The following LRRC4C variants were observed in gnomAD, a reference collection of about 807,000 sequenced individuals.
LRRC4C encodes the protein leucine rich repeat containing 4C.
LRRC4C carries 5 observed loss-of-function variants against 33.6 expected under a neutral mutation model. The ratio of observed to expected loss-of-function variants is 0.15; its 90% CI spans 0.08 to 0.31. LRRC4C has a LOEUF of 0.31. LRRC4C is among the 10% of genes least tolerant of loss of function. The probability of loss-of-function intolerance (pLI) is 1.00; values close to 1 mark genes in which losing one functional copy is unlikely to be tolerated. For missense variants in LRRC4C, 560 were observed against 796.7 expected (o/e 0.70, Z 3.58); for synonymous variants, 329 against 302.0 (o/e 1.09, Z -0.93).
intron 2 of LRRC4C, among the ~76,000 whole-genome samples, chr11:40,892,455 T>A (rs1296034822): frequency 6.6e-6 from 1 of 152,132 alleles, no homozygotes; most frequent in East Asian, 1.9e-4. Context: ...CTTCAACAGA[T>A]GTTTGAGTAG....
At chr11:40,678,862 G>C (rs1944539886) in intron 2 of LRRC4C, among the ~76,000 whole-genome samples, 1 of 152,086 alleles carries the variant, frequency 6.6e-6, no homozygotes, top group Non-Finnish European at 1.5e-5. Context: ...ATTGGTACTG[G>C]GTAGGGGGGT....
At chr11:40,137,730 A>T (rs1857078574) in intron 6 of LRRC4C, among the ~76,000 whole-genome samples, 1 of 152,162 alleles carries the variant, frequency 6.6e-6, no homozygotes, top group Admixed American at 6.5e-5. Context: ...TATATTAAAG[A>T]TCTCTCCTTT....
In LRRC4C at chr11:40,632,453, C is replaced by G. The variant is rs75177156; in HGVS notation, c.-270+15689G>C. Among the ~76,000 whole-genome samples, 612 of 152,270 alleles carry G rather than the reference C, an allele frequency of 4.0e-3. 4 individuals are homozygous for G. Among genetic ancestry groups the G allele is most frequent in the African/African-American group, 0.014 (582 of 41,538 alleles). ...TGACACTGTCCATGCAAGCATGCTT[C>G]TCTTTCAATTGGCTTTTGCATATCT... On this transcript the variant is annotated intron_variant, in intron 3 of 6. Coordinates refer to ENST00000528697, the MANE Select transcript of LRRC4C (RefSeq NM_001258419.2).
chr11:40,852,828 A>G (rs1172099984), intron 2 of LRRC4C, among the ~76,000 whole-genome samples: 1 of 152,202 alleles, frequency 6.6e-6, no homozygotes, highest in African/African-American at 2.4e-5. Flanking sequence ...ATTTTCTAGC[A>G]CCAACAGAGA....
chr11:40,678,675 CAAGTT>C (rs1944530235), intron 2 of LRRC4C, among the ~76,000 whole-genome samples: 1 of 152,062 alleles, frequency 6.6e-6, no homozygotes, highest in East Asian at 1.9e-4. Flanking sequence ...TTCCCCTGCA[CAAGTT>C]CTTTGCCCGC....
intron 1 of LRRC4C, among the ~76,000 whole-genome samples, chr11:41,112,802 C>A (rs958804199): frequency 1.6e-4 from 24 of 152,060 alleles, no homozygotes; most frequent in Non-Finnish European, 5.9e-5. Context: ...ATTCATTATA[C>A]TCAAGATCAT....
intron 3 of LRRC4C, among the ~76,000 whole-genome samples, chr11:40,432,810 CCAAA>C (rs1230216201): frequency 6.6e-6 from 1 of 152,078 alleles, no homozygotes; most frequent in Non-Finnish European, 1.5e-5. Flanking sequence ...ATTAATGACT[CCAAA>C]CAATGACCAA....
rs184730367 is a variant in LRRC4C, at chr11:40,268,079, C to T, written c.-175-26481G>A. Among the ~76,000 whole-genome samples the T allele has an allele frequency of 1.4e-3, 209 of 152,272 alleles. 2 individuals carry two copies. The highest frequency in any genetic ancestry group is 8.7e-3 in the South Asian group (42 of 4,816). ...ACAGCTCCCGAGTTAGGTAAAGACC[C>T]TGTATCCTTGTTATATCACCACTTT... On this transcript the variant is annotated intron_variant, in intron 4 of 6. Coordinates refer to ENST00000528697, the MANE Select transcript of LRRC4C (RefSeq NM_001258419.2).
intron 1 of LRRC4C, among the ~76,000 whole-genome samples, chr11:41,091,333 T>G (rs926710925): frequency 2.6e-5 from 4 of 151,978 alleles, no homozygotes; most frequent in African/African-American, 9.7e-5. Context: ...CCATATGCCA[T>G]TAAAAATAAG....
intron 2 of LRRC4C, among the ~76,000 whole-genome samples, chr11:40,838,552 G>T (rs1362096163): frequency 6.6e-6 from 1 of 152,002 alleles, no homozygotes; most frequent in Non-Finnish European, 1.5e-5. Flanking sequence ...CTGTGTACTT[G>T]CTATGTGCAT....
At chr11:40,634,906 G>T (rs1033022979) in intron 3 of LRRC4C, among the ~76,000 whole-genome samples, 1 of 151,440 alleles carries the variant, frequency 6.6e-6, no homozygotes, top group African/African-American at 2.4e-5. Flanking sequence ...AAGAAAAAAG[G>T]AAAAAGGAAA....
At chr11:41,158,197 A>G (rs1441689436) in intron 1 of LRRC4C, among the ~76,000 whole-genome samples, 3 of 152,130 alleles carry the variant, frequency 2.0e-5, no homozygotes, top group African/African-American at 4.8e-5. Flanking sequence ...ACAATTATCA[A>G]TTTGCTAAAG....
chr11:40,724,409 A>G (rs929899214), intron 2 of LRRC4C, among the ~76,000 whole-genome samples: 12 of 152,178 alleles, frequency 7.9e-5, no homozygotes, highest in African/African-American at 1.4e-4. Flanking sequence ...CAAGCATACT[A>G]TTGAGCCAGA....
intron 1 of LRRC4C, among the ~76,000 whole-genome samples, chr11:41,193,100 C>T (rs778100790): frequency 6.6e-6 from 1 of 151,992 alleles, no homozygotes; most frequent in Non-Finnish European, 1.5e-5. Flanking sequence ...GTTGCTAATC[C>T]CAAGACTTGA....
chr11:40,359,117 T>C (rs1320727148), intron 3 of LRRC4C, among the ~76,000 whole-genome samples: 1 of 152,270 alleles, frequency 6.6e-6, no homozygotes, highest in Non-Finnish European at 1.5e-5. Context: ...ATGTGTCGGG[T>C]ATGTTTAAGC....
chr11:41,379,922 A>G (rs545272873), intron 1 of LRRC4C, among the ~76,000 whole-genome samples: 2 of 152,114 alleles, frequency 1.3e-5, no homozygotes, highest in East Asian at 3.9e-4. Flanking sequence ...GAAAGGTAGA[A>G]CCAGTCACCC....
intron 1 of LRRC4C, among the ~76,000 whole-genome samples, chr11:41,201,218 ACT>A (rs1383939765): frequency 6.6e-6 from 1 of 152,140 alleles, no homozygotes; most frequent in Non-Finnish European, 1.5e-5. Flanking sequence ...AAAGGGAAAG[ACT>A]CTGAAGATTT....
intron 3 of LRRC4C, among the ~76,000 whole-genome samples, chr11:40,478,519 G>C (rs1264903973): frequency 6.6e-6 from 1 of 152,132 alleles, no homozygotes; most frequent in Non-Finnish European, 1.5e-5. Flanking sequence ...GAGATTGCAA[G>C]TTAAGAATGT....
intron 2 of LRRC4C, among the ~76,000 whole-genome samples, chr11:40,866,507 T>C (rs1449816825): frequency 6.6e-6 from 1 of 152,114 alleles, no homozygotes; most frequent in Non-Finnish European, 1.5e-5. Context: ...GGGGTCATCA[T>C]TAACATTTCA....
Sources: allele counts gnomAD v4.1 joint callset (sites outside exome capture counted in the v4.1 genomes callset), GRCh38; gene constraint gnomAD v4.1.1; transcripts MANE v1.5; gene names NCBI Gene and HGNC (gene_info 2026-07-23, HGNC 2026-07-21).